SYMPK: variants seen among roughly 807,000 people sequenced by gnomAD.
The protein encoded by SYMPK is symplekin scaffold protein, also known as symplekin.
A neutral mutation model predicts 136.4 loss-of-function variants in SYMPK; 49 were observed. That is an observed-to-expected ratio of 0.36 (90% confidence interval 0.29 to 0.46). SYMPK has a LOEUF of 0.46. Ranked by LOEUF, SYMPK falls within the 20% of genes least tolerant of loss-of-function variation. SYMPK has a pLI of 1.00. For missense variants in SYMPK, 1,365 were observed against 1,690.0 expected (o/e 0.81, Z 3.37); for synonymous variants, 766 against 713.0 (o/e 1.07, Z -1.19).
chr19:45,858,554 T>G (rs979702033), intron 1 of SYMPK, among the ~76,000 whole-genome samples: 1 of 152,118 alleles, frequency 6.6e-6, no homozygotes, highest in African/African-American at 2.4e-5. Flanking sequence ...TCCCTCTTAT[T>G]GCCCAGGCTG....
intron 14 of SYMPK, 121 bp from the exon 15 acceptor site, chr19:45,828,039 C>A: frequency 1.1e-6 from 1 of 870,012 alleles, no homozygotes; most frequent in South Asian, 1.5e-5. Context: ...TTGTTCAAGC[C>A]CCTGCTTATA....
intron 5 of SYMPK, among the ~76,000 whole-genome samples, chr19:45,850,180 G>A (rs1339501872): frequency 2.6e-5 from 4 of 152,196 alleles, no homozygotes; most frequent in African/African-American, 4.8e-5. Flanking sequence ...AGGAGGCAGA[G>A]GTTGTAGTCA....
chr19:45,843,942 CAAAAAAAAAA>C (rs57025339), intron 8 of SYMPK, 78 bp downstream of exon 8: 74 of 244,970 alleles, frequency 3.0e-4, no homozygotes, highest in Admixed American at 4.4e-4. Flanking sequence ...GACTCTGTCT[CAAAAAAAAAA>C]AAAAAAAAAA....
intron 1 of SYMPK, among the ~76,000 whole-genome samples, chr19:45,856,143 T>G (rs999711549): frequency 2.0e-5 from 3 of 151,874 alleles, no homozygotes; most frequent in African/African-American, 7.3e-5. Flanking sequence ...CGTCTGAGGT[T>G]AGGAGTTTGA....
At chr19:45,828,914 A>G in intron 14 of SYMPK, 56 bp downstream of exon 14, 1 of 1,546,362 alleles carries the variant, frequency 6.5e-7, no homozygotes, top group South Asian at 1.1e-5. Flanking sequence ...AAGGGAGGGC[A>G]GCACCAGGAG....
chr19:45,822,867 G>A (rs1455025073), intron 20 of SYMPK, 21 bp from the exon 21 acceptor site: 1 of 1,585,922 alleles, frequency 6.3e-7, no homozygotes, highest in Non-Finnish European at 8.7e-7. Flanking sequence ...AAGGTGGTGG[G>A]GGTGGGAGTT....
intron 8 of SYMPK, 132 bp downstream of exon 8, chr19:45,843,898 T>G (rs1600519944): frequency 2.6e-6 from 2 of 781,862 alleles, no homozygotes; most frequent in Non-Finnish European, 3.4e-6. Flanking sequence ...GAGCCAAGAT[T>G]GCACCACTGC....
chr19:45,837,997 C>G (rs1181661349), intron 10 of SYMPK, among the ~76,000 whole-genome samples: 1 of 152,068 alleles, frequency 6.6e-6, no homozygotes, highest in African/African-American at 2.4e-5. Flanking sequence ...CTGATGTAGT[C>G]TGGATATTTG....
rs1466150023 is a variant in SYMPK, at chr19:45,816,056, G to A, written c.3482C>T (p.Pro1161Leu). ...AGAGGAGGGGGCTCCCACTCCTCCC[G>A]GCTTCAGCTTCTGTTCCTCCTCCAG... ...RQLEEEQKLKPGGVGAPSSSS... is the reference protein window; with the variant it reads ...RQLEEEQKLKLGGVGAPSSSS... Residue 1161 changes from proline to leucine, a missense_variant, in exon 26 of 27, where the codon CCG becomes CTG. Pro to Leu is a moderately conservative substitution (Grantham distance 98, BLOSUM62 -3). This residue lies in a region of SYMPK where 341 missense variants were observed against 270.5 expected (regional missense o/e 1.26). Transcript: ENST00000245934. 8.9e-6 allele frequency: 14 copies of A among 1,565,312 alleles called. No homozygotes were observed. Among genetic ancestry groups the A allele is most frequent in the Middle Eastern group, 1.7e-4 (1 of 5,920 alleles).
At chr19:45,835,915 C>CAGAAAGAA (rs1206342577) in intron 10 of SYMPK, among the ~76,000 whole-genome samples, 4 of 96,584 alleles carry the variant, frequency 4.1e-5, no homozygotes, top group African/African-American at 1.7e-4. Flanking sequence ...CCATCTCATT[C>CAGAAAGAA]ATAAAGAAAG....
intron 1 of SYMPK, chr19:45,862,586 A>G (rs1971994567): frequency 6.5e-6 from 1 of 154,064 alleles, no homozygotes; most frequent in South Asian, 2.1e-4. Flanking sequence ...ACGGACCGAC[A>G]AAAGCATTTA....
intron 9 of SYMPK, among the ~76,000 whole-genome samples, chr19:45,839,354 A>T (rs116116409): frequency 0.028 from 4,253 of 152,326 alleles, 199 homozygotes; most frequent in African/African-American, 0.096. Context: ...GGGCAAGGAC[A>T]GTACAAGAGG....
intron 7 of SYMPK, among the ~76,000 whole-genome samples, chr19:45,845,469 C>A (rs112030259): frequency 6.6e-6 from 1 of 152,072 alleles, no homozygotes; most frequent in South Asian, 2.1e-4. Context: ...TCTTTCGGTG[C>A]CTGGCTTATT....
chr19:45,823,610 A>G (rs1970961863), intron 19 of SYMPK, 138 bp from the exon 20 acceptor site: 1 of 967,728 alleles, frequency 1.0e-6, no homozygotes, highest in Admixed American at 2.0e-5. Context: ...TGCAATTAGC[A>G]CCACACTGTT....
chr19:45,821,930 G>A lies in SYMPK; in HGVS notation c.2792-445C>T, dbSNP rs1019022017. Among the ~76,000 whole-genome samples the A allele has an allele frequency of 6.6e-6, 1 of 152,106 alleles. No individual in the cohort carries two copies. The highest frequency in any genetic ancestry group is 2.4e-5 in the African/African-American group (1 of 41,410). Reference sequence around the variant, plus strand: ...CTGCTGTGTGGGGCCTGGGGGAGTGGAGGGGAGGCTGGTGGAGTGGCTCTT... The same window carrying A: ...CTGCTGTGTGGGGCCTGGGGGAGTGAAGGGGAGGCTGGTGGAGTGGCTCTT... On this transcript the variant is annotated intron_variant, in intron 21 of 26. Coordinates refer to ENST00000245934, the MANE Select transcript of SYMPK (RefSeq NM_004819.3). This position sits in a 1 kb window ranked among gnomAD's most constrained non-coding sequence, Gnocchi z 4.4.
Position 45,863,050 on chromosome 19 carries a change from C to T in SYMPK, c.-13+8G>A. The T allele has an allele frequency of 2.5e-6, 1 of 401,514 alleles. No homozygotes were observed. The highest frequency in any genetic ancestry group is 4.4e-6 in the Non-Finnish European group (1 of 226,660). The allele number at this position is 401,514 out of a possible 1,614,324, so 24.9% of individuals were successfully genotyped here. A position where few individuals can be genotyped will look rare whatever the true frequency, so the allele number is the denominator to read the frequency against. ...CGTCTCCGGGCCCAAACGCCGCCTC[C>T]CGCTCACCGCAGCTCTGGCCTCCGT... On this transcript the variant is annotated splice_region_variant and intron_variant, in intron 1 of 26. Transcript: ENST00000245934.
Position 45,829,145 on chromosome 19 carries a change from C to A in SYMPK, c.1810G>T (p.Val604Phe). 2 of 1,614,152 alleles carry A rather than the reference C, an allele frequency of 1.2e-6. No individual in the cohort carries two copies. The highest frequency in any genetic ancestry group is 1.7e-6 in the Non-Finnish European group (2 of 1,180,044). The change falls in exon 14 of 27, where the codon GTC (valine) becomes TTC (phenylalanine). Residue 604 changes from valine (V) to phenylalanine (F), a missense_variant. By Grantham distance (50) the Val-to-Phe change is conservative (BLOSUM62 -1). Transcript: ENST00000245934. The stretch of plus-strand genomic sequence containing the variant: ...ACATCCTCCAGGATGAAGGACAGGA[C>A]CTCCGCCTTCAGGCCCGAGTTGAAC... ...TQFNSGLKAE[V>F]LSFILEDVRA...
Position 45,825,334 on chromosome 19 carries a change from G to C in SYMPK, c.2330-3C>G, listed in dbSNP as rs972368595. On this transcript the variant is annotated splice_region_variant and splice_polypyrimidine_tract_variant and intron_variant, in intron 17 of 26. Coordinates refer to ENST00000245934, the MANE Select transcript of SYMPK (RefSeq NM_004819.3). The stretch of plus-strand genomic sequence containing the variant: ...CTCCGTCCAGGGTGCTGCCACCTCT[G>C]ACAGGGCAGGAGCGGGCATCAGATT... The C allele has an allele frequency of 1.9e-6, 3 of 1,613,160 alleles. No individual in the cohort carries two copies. In the South Asian group the frequency reaches 3.3e-5, roughly 18 times the overall value.
At chr19:45,853,888 T>G (rs568236221) in intron 3 of SYMPK, among the ~76,000 whole-genome samples, 1 of 152,314 alleles carries the variant, frequency 6.6e-6, no homozygotes, top group African/African-American at 2.4e-5. Flanking sequence ...GATTTGGAGC[T>G]GGAATCCAGG....
Sources: allele counts gnomAD v4.1 joint callset (sites outside exome capture counted in the v4.1 genomes callset), GRCh38; gene constraint gnomAD v4.1.1; regional missense constraint gnomAD v4.1.1; non-coding constraint Gnocchi (gnomAD v3.1); transcripts MANE v1.5; gene names NCBI Gene and HGNC (gene_info 2026-07-23, HGNC 2026-07-21).